The following SLC25A21 variants were observed in gnomAD, a reference collection of about 807,000 sequenced individuals.
SLC25A21 encodes solute carrier family 25 member 21.
SLC25A21 carries 47 observed loss-of-function variants against 43.8 expected under a neutral mutation model. The observed-to-expected ratio is 1.07, with a 90% CI of 0.85 to 1.37. SLC25A21 has a LOEUF of 1.37. Among genes scored for constraint, SLC25A21 ranks in the 40% most tolerant of loss-of-function variants. The pLI is 0.00. For missense variants in SLC25A21, 352 were observed against 350.2 expected (o/e 1.00, Z -0.04); for synonymous variants, 131 against 121.3 (o/e 1.08, Z -0.52).
At chr14:36,699,141 G>A (rs952810262) in intron 7 of SLC25A21, among the ~76,000 whole-genome samples, 1 of 149,914 alleles carries the variant, frequency 6.7e-6, no homozygotes, top group African/African-American at 2.5e-5. Context: ...TAATTTGGAT[G>A]CTATTCCTTT....
At chr14:36,907,710 GGAT>G (rs1237171437) in intron 1 of SLC25A21, among the ~76,000 whole-genome samples, 1 of 152,024 alleles carries the variant, frequency 6.6e-6, no homozygotes, top group Non-Finnish European at 1.5e-5. Flanking sequence ...TTATCAGACT[GGAT>G]GATATTACCT....
At chr14:36,944,548 T>G (rs1210919180) in intron 1 of SLC25A21, among the ~76,000 whole-genome samples, 1 of 152,210 alleles carries the variant, frequency 6.6e-6, no homozygotes, top group Non-Finnish European at 1.5e-5. Context: ...GAGCGACATC[T>G]GTTCCACAGT....
Position 36,727,911 on chromosome 14 carries a change from T to C in SLC25A21, c.330+1596A>G, listed in dbSNP as rs1884665815. Among the ~76,000 whole-genome samples, 3 of 152,316 alleles carry C rather than the reference T, an allele frequency of 2.0e-5. No individual in the cohort carries two copies. In the South Asian group the frequency reaches 6.2e-4, roughly 32 times the overall value. On this transcript the variant is annotated intron_variant, in intron 5 of 9. Transcript: ENST00000331299. ...AATACTAGTCCCAAACTCTTTTGAC[T>C]GGGAAAGCTAAAATCCAGATGTCCA...
At chr14:37,165,364 G>A (rs1964013574) in intron 1 of SLC25A21, among the ~76,000 whole-genome samples, 1 of 151,432 alleles carries the variant, frequency 6.6e-6, no homozygotes, top group African/African-American at 2.4e-5. Context: ...GTGACAAAGT[G>A]AGACTCCGTC....
At chr14:36,960,084 C>A (rs905167392) in intron 1 of SLC25A21, among the ~76,000 whole-genome samples, 1 of 152,174 alleles carries the variant, frequency 6.6e-6, no homozygotes, top group Admixed American at 6.5e-5. Flanking sequence ...TGCAAAGGTC[C>A]ATGGATGTAT....
chr14:36,840,037 T>C (rs529680661), intron 2 of SLC25A21, among the ~76,000 whole-genome samples: 31 of 152,280 alleles, frequency 2.0e-4, no homozygotes, highest in African/African-American at 7.2e-4. Flanking sequence ...GGATGGCAGC[T>C]TGAGGGGAAA....
At chr14:36,971,641 G>C (rs540502351) in intron 1 of SLC25A21, among the ~76,000 whole-genome samples, 3 of 152,170 alleles carry the variant, frequency 2.0e-5, no homozygotes, top group Admixed American at 6.5e-5. Flanking sequence ...AAGAGAGAGA[G>C]AGCTGCTCTC....
intron 1 of SLC25A21, among the ~76,000 whole-genome samples, chr14:37,154,725 T>C (rs34123291): frequency 0.39 from 59,419 of 150,502 alleles, 12,551 homozygotes; most frequent in African/African-American, 0.56. Context: ...TCACTGTAAC[T>C]TCCACTTCCC....
At chr14:37,099,496 T>C (rs1411200490) in intron 1 of SLC25A21, among the ~76,000 whole-genome samples, 1 of 152,170 alleles carries the variant, frequency 6.6e-6, no homozygotes, top group East Asian at 1.9e-4. Context: ...TAGTAGTCAA[T>C]GTAGTAGTCA....
At chr14:36,856,316 T>G (rs1049353214) in intron 2 of SLC25A21, among the ~76,000 whole-genome samples, 2 of 152,190 alleles carry the variant, frequency 1.3e-5, no homozygotes, top group African/African-American at 4.8e-5. Flanking sequence ...CGAGCTTGTC[T>G]TTCTGTATAT....
chr14:37,059,770 T>C (rs926046628), intron 1 of SLC25A21, among the ~76,000 whole-genome samples: 2 of 152,106 alleles, frequency 1.3e-5, no homozygotes, highest in African/African-American at 4.8e-5. Context: ...TGAGGTGCCT[T>C]AGCTAGTCTG....
At chr14:36,996,397 G>A (rs1156722589) in intron 1 of SLC25A21, among the ~76,000 whole-genome samples, 1 of 152,070 alleles carries the variant, frequency 6.6e-6, no homozygotes, top group Non-Finnish European at 1.5e-5. Context: ...TAAAAGAAAG[G>A]TCTCTGGAGC....
rs74348084 is a variant in SLC25A21, at chr14:36,684,045, C to T, written c.786-165G>A. ...AGTATTCTCTGCAGCAAACTGGATG[C>T]GGGGAAAGAGTTAATGAATTCTTTA... On this transcript the variant is annotated intron_variant, in intron 8 of 9. Transcript: ENST00000331299. 1.1e-3 allele frequency among the ~76,000 whole-genome samples: 166 copies of T among 152,234 alleles called. 2 individuals carry two copies. The East Asian group carries it at 0.025, about 23-fold the overall frequency.
At chr14:36,899,193 G>A (rs1014020823) in intron 1 of SLC25A21, among the ~76,000 whole-genome samples, 1 of 151,644 alleles carries the variant, frequency 6.6e-6, no homozygotes, top group Non-Finnish European at 1.5e-5. Flanking sequence ...TGCTCAAGAC[G>A]ATCCACGCAA....
chr14:37,095,063 T>C (rs1159953604), intron 1 of SLC25A21, among the ~76,000 whole-genome samples: 1 of 152,218 alleles, frequency 6.6e-6, no homozygotes, highest in Non-Finnish European at 1.5e-5. Flanking sequence ...ATAATGTACA[T>C]GATAAATAAA....
chr14:36,786,337 A>AT, intron 3 of SLC25A21, among the ~76,000 whole-genome samples: 1 of 152,334 alleles, frequency 6.6e-6, no homozygotes, highest in South Asian at 2.1e-4. Flanking sequence ...ATATGCTGGC[A>AT]TTTTTAAAAA....
At chr14:37,166,327 T>C (rs1964029737) in intron 1 of SLC25A21, among the ~76,000 whole-genome samples, 1 of 152,238 alleles carries the variant, frequency 6.6e-6, no homozygotes, top group Non-Finnish European at 1.5e-5. Flanking sequence ...AGGTACTACT[T>C]AATGGAAAGT....
intron 2 of SLC25A21, among the ~76,000 whole-genome samples, chr14:36,873,349 G>A (rs9322966): frequency 0.44 from 66,860 of 151,912 alleles, 16,079 homozygotes; most frequent in Non-Finnish European, 0.52. Flanking sequence ...AAGCTGAAGT[G>A]CAGTGGTGCG....
intron 6 of SLC25A21, among the ~76,000 whole-genome samples, chr14:36,720,251 C>T (rs1884322588): frequency 1.3e-5 from 2 of 152,336 alleles, no homozygotes; most frequent in Non-Finnish European, 2.9e-5. Flanking sequence ...CTCGACTGTC[C>T]TCTGCTGCAG....
Sources: allele counts gnomAD v4.1 joint callset (sites outside exome capture counted in the v4.1 genomes callset), GRCh38; gene constraint gnomAD v4.1.1; transcripts MANE v1.5; gene names NCBI Gene and HGNC (gene_info 2026-07-23, HGNC 2026-07-21).